The following MIA2 variants were observed in gnomAD, a reference collection of about 807,000 sequenced individuals.
The protein encoded by MIA2 is MIA SH3 domain ER export factor 2.
In MIA2, 127 loss-of-function variants were observed where a neutral mutation model predicts 167.8. That is an observed-to-expected ratio of 0.76 (90% CI 0.66 to 0.88). The LOEUF (loss-of-function observed/expected upper bound fraction) is 0.88. Ranked by LOEUF, MIA2 falls within the 40% of genes least tolerant of loss-of-function variation. The pLI is 0.00. For synonymous variants in MIA2, 552 were observed against 541.9 expected, an observed-to-expected ratio of 1.02 and a Z score of -0.26; for missense variants, 1,690 against 1,624.7, an observed-to-expected ratio of 1.04 and a Z score of -0.69.
In MIA2 at chr14:39,265,283, G is replaced by GA. The variant is rs1594757087; in HGVS notation, c.1888-11648dup. 4 of 858,034 alleles carry GA rather than the reference G, an allele frequency of 4.7e-6. No homozygotes were observed. The East Asian group carries it at 1.1e-4, about 23-fold the overall frequency. 53.2% of individuals were successfully genotyped at this position (858,034 alleles called of 1,614,324 possible). A position where few individuals can be genotyped will look rare whatever the true frequency, so the allele number is the denominator to read the frequency against. ...AATGTCAAAACGGGATCACAGTGTG[G>GA]AAACAGAAGAGTGCAGGATATATTA... On this transcript the variant is annotated intron_variant, in intron 6 of 28. Coordinates refer to ENST00000640607, the MANE Select transcript of MIA2 (RefSeq NM_001329214.4).
intron 23 of MIA2, among the ~76,000 whole-genome samples, chr14:39,374,975 C>G (rs1246638781): frequency 6.6e-6 from 1 of 152,174 alleles, no homozygotes; most frequent in South Asian, 2.1e-4. Context: ...TTAAAACTTT[C>G]AGAGTGTGCT....
intron 3 of MIA2, among the ~76,000 whole-genome samples, chr14:39,245,265 T>C (rs543373302): frequency 1.5e-4 from 23 of 152,186 alleles, no homozygotes; most frequent in Admixed American, 1.2e-3. Flanking sequence ...TTAACAAGGT[T>C]TTCATGCTTT....
intron 25 of MIA2, among the ~76,000 whole-genome samples, chr14:39,344,802 CA>C (rs1434883444): frequency 6.6e-6 from 1 of 152,186 alleles, no homozygotes; most frequent in African/African-American, 2.4e-5. Context: ...AGCAGTCTGA[CA>C]TCACCTTTCA....
At chr14:39,307,199 CA>C (rs1412279067) in intron 17 of MIA2, among the ~76,000 whole-genome samples, 2 of 151,868 alleles carry the variant, frequency 1.3e-5, no homozygotes, top group African/African-American at 4.8e-5. Context: ...TAGATAAAAA[CA>C]GGCATTATTC....
intron 23 of MIA2, chr14:39,370,497 AC>A: frequency 3.6e-6 from 1 of 275,848 alleles, no homozygotes. Context: ...GCTTGAGGTC[AC>A]CCATCACTTT....
chr14:39,274,450 A>G (rs957124542), intron 6 of MIA2, among the ~76,000 whole-genome samples: 1 of 138,996 alleles, frequency 7.2e-6, no homozygotes, highest in Admixed American at 7.5e-5. Flanking sequence ...TTTTTTTGAG[A>G]TGGAGTCTCA....
chr14:39,387,014 A>G (rs2075283468), exon 24 of MIA2: 1 of 743,710 alleles, frequency 1.3e-6, no homozygotes, highest in South Asian at 1.6e-5. Flanking sequence ...GTTCAAGTGG[A>G]ACAGAAGCCA....
chr14:39,362,916 C>T (rs896275338), intron 23 of MIA2, among the ~76,000 whole-genome samples: 6 of 152,128 alleles, frequency 3.9e-5, no homozygotes, highest in Admixed American at 2.0e-4. Flanking sequence ...TTATTTCCTT[C>T]TTAATTTCTA....
intron 25 of MIA2, among the ~76,000 whole-genome samples, chr14:39,341,328 A>G (rs888401588): frequency 9.2e-5 from 14 of 151,708 alleles, no homozygotes; most frequent in African/African-American, 2.9e-4. Flanking sequence ...ATAAATGAAT[A>G]AATAAATAAA....
intron 13 of MIA2, among the ~76,000 whole-genome samples, chr14:39,295,920 T>C (rs1222756400): frequency 6.6e-6 from 1 of 152,250 alleles, no homozygotes; most frequent in Non-Finnish European, 1.5e-5. Flanking sequence ...ATAATTGTTT[T>C]GTTTCTTGTA....
At chr14:39,267,020 G>A in intron 6 of MIA2, 1 of 992,566 alleles carries the variant, frequency 1.0e-6, no homozygotes, top group Non-Finnish European at 1.2e-6. Context: ...TCCACTACCA[G>A]GGCTGGGTGG....
chr14:39,293,779 T>G (rs1021891549), intron 11 of MIA2, among the ~76,000 whole-genome samples: 5 of 152,236 alleles, frequency 3.3e-5, no homozygotes, highest in African/African-American at 1.2e-4. Flanking sequence ...CTTGAGCCTA[T>G]ATAACTTAAA....
chr14:39,377,945 A>G (rs1445100741), intron 23 of MIA2, among the ~76,000 whole-genome samples: 1 of 152,200 alleles, frequency 6.6e-6, no homozygotes, highest in Non-Finnish European at 1.5e-5. Context: ...CCTGTCACCA[A>G]GTGACATTCT....
At chr14:39,367,911 G>A (rs1567054388) in intron 23 of MIA2, among the ~76,000 whole-genome samples, 1 of 151,690 alleles carries the variant, frequency 6.6e-6, no homozygotes, top group Non-Finnish European at 1.5e-5. Context: ...ACTGCATATT[G>A]CTTTCTAAGT....
At chr14:39,291,504 A>G (rs2060735819) in intron 10 of MIA2, among the ~76,000 whole-genome samples, 1 of 152,216 alleles carries the variant, frequency 6.6e-6, no homozygotes, top group Non-Finnish European at 1.5e-5. Context: ...TTATGACAGT[A>G]TTTGCTTTAT....
In MIA2 at chr14:39,326,821, T is replaced by A. The variant is rs778674688; in HGVS notation, c.3497-43T>A. On this transcript the variant is annotated intron_variant, in intron 24 of 28. Coordinates refer to ENST00000640607, the MANE Select transcript of MIA2 (RefSeq NM_001329214.4). ...TGTGTAAAACAAGTATATAAGACTT[T>A]TTAAGATGAAACAGATTTGTATGTT... The A allele has an allele frequency of 6.5e-6, 10 of 1,530,630 alleles. No individual in the cohort carries two copies. In the Admixed American group the frequency reaches 9.4e-5, roughly 14 times the overall value. 94.8% of individuals were successfully genotyped at this position (1,530,630 alleles called of 1,614,324 possible). A position where few individuals can be genotyped will look rare whatever the true frequency, so the allele number is the denominator to read the frequency against.
chr14:39,345,696 G>T (rs1019349611), intron 25 of MIA2, among the ~76,000 whole-genome samples: 1 of 152,068 alleles, frequency 6.6e-6, no homozygotes, highest in Admixed American at 6.6e-5. Flanking sequence ...AAAATCCAAA[G>T]TAGCAGATTA....
chr14:39,240,825 T>G (rs1235383710), intron 3 of MIA2, among the ~76,000 whole-genome samples, 178 bp downstream of exon 3: 1 of 152,176 alleles, frequency 6.6e-6, no homozygotes, highest in East Asian at 1.9e-4. Flanking sequence ...TAAGACAAAT[T>G]AGGTGACAGT....
intron 24 of MIA2, among the ~76,000 whole-genome samples, chr14:39,324,353 G>A (rs1275824128): frequency 1.3e-5 from 2 of 152,142 alleles, no homozygotes; most frequent in Non-Finnish European, 2.9e-5. Flanking sequence ...GGATGAAGAA[G>A]CGAGAAGGAA....
Sources: gnomAD v4.1 joint callset for allele counts (sites outside exome capture counted in the v4.1 genomes callset) on GRCh38, gnomAD v4.1.1 for gene constraint, MANE v1.5 for transcripts, NCBI Gene and HGNC (gene_info 2026-07-23, HGNC 2026-07-21) for gene names.